The following SEMA3D variants were observed in gnomAD, a reference collection of about 807,000 sequenced individuals.
The protein encoded by SEMA3D is semaphorin 3D.
In SEMA3D, 84 loss-of-function variants were observed where a neutral mutation model predicts 100.1. That is an observed-to-expected ratio of 0.84 (90% CI 0.70 to 1.01). The LOEUF (loss-of-function observed/expected upper bound fraction) is 1.01. Among genes scored for constraint, SEMA3D ranks in the 50% least tolerant of loss-of-function variants. SEMA3D has a pLI of 0.00. For missense variants in SEMA3D, 875 were observed against 934.1 expected (o/e 0.94, Z 0.82); for synonymous variants, 312 against 320.7 (o/e 0.97, Z 0.29).
chr7:85,116,209 T>C (rs1206881330), intron 3 of SEMA3D, among the ~76,000 whole-genome samples: 2 of 149,138 alleles, frequency 1.3e-5, no homozygotes, highest in African/African-American at 2.4e-5. Context: ...TATATGCACA[T>C]ATACATATAT....
chr7:85,210,421 T>C, the SEMA3D span, among the ~76,000 whole-genome samples: 1 of 152,194 alleles, frequency 6.6e-6, no homozygotes, highest in East Asian at 1.9e-4. Flanking sequence ...TGACATTCCA[T>C]AGTTAATTGG....
chr7:85,045,519 T>C (rs925664548), intron 9 of SEMA3D, among the ~76,000 whole-genome samples: 7 of 151,958 alleles, frequency 4.6e-5, no homozygotes, highest in Non-Finnish European at 8.8e-5. Context: ...ATGAGTATCA[T>C]TGTTAAGAAA....
At chr7:85,053,504 T>C (rs999800601) in intron 9 of SEMA3D, among the ~76,000 whole-genome samples, 1 of 152,028 alleles carries the variant, frequency 6.6e-6, no homozygotes, top group Non-Finnish European at 1.5e-5. Flanking sequence ...TTGTTATTGC[T>C]AAAGTTGTTA....
intron 3 of SEMA3D, among the ~76,000 whole-genome samples, chr7:85,102,817 A>G (rs569845665): frequency 6.6e-6 from 1 of 151,988 alleles, no homozygotes; most frequent in East Asian, 1.9e-4. Flanking sequence ...AAAAATAAAT[A>G]TAAAGTTGAT....
the SEMA3D span, among the ~76,000 whole-genome samples, chr7:85,214,926 T>C: frequency 6.6e-6 from 1 of 152,146 alleles, no homozygotes; most frequent in Non-Finnish European, 1.5e-5. Context: ...CCTCTTCATA[T>C]GGCAATGATT....
At chr7:85,144,026 T>A (rs1033030462) in intron 2 of SEMA3D, among the ~76,000 whole-genome samples, 7 of 152,092 alleles carry the variant, frequency 4.6e-5, no homozygotes, top group African/African-American at 1.4e-4. Context: ...CTTGTAATTT[T>A]AAATTTTCTT....
At chr7:85,170,980 C>T (rs1342775632) in intron 1 of SEMA3D, among the ~76,000 whole-genome samples, 1 of 151,942 alleles carries the variant, frequency 6.6e-6, no homozygotes, top group African/African-American at 2.4e-5. Context: ...ATTTTGGATG[C>T]AAAATTGTCA....
intron 1 of SEMA3D, among the ~76,000 whole-genome samples, chr7:85,168,033 C>T (rs943022081): frequency 7.9e-5 from 12 of 151,732 alleles, no homozygotes; most frequent in African/African-American, 1.5e-4. Flanking sequence ...TTTTTGATAA[C>T]GACATATATT....
the SEMA3D span, among the ~76,000 whole-genome samples, chr7:85,250,016 G>A: frequency 9.9e-5 from 15 of 152,050 alleles, no homozygotes; most frequent in South Asian, 2.1e-4. Flanking sequence ...TGCACGCACC[G>A]TGCACGAGCC....
intron 4 of SEMA3D, among the ~76,000 whole-genome samples, chr7:85,096,016 C>A (rs1562816143): frequency 2.0e-5 from 3 of 151,870 alleles, no homozygotes; most frequent in Admixed American, 6.6e-5. Context: ...AGGCAGAGAA[C>A]AGAACAAGAA....
chr7:85,149,118 A>T (rs1218949133), intron 2 of SEMA3D, among the ~76,000 whole-genome samples: 1 of 152,150 alleles, frequency 6.6e-6, no homozygotes, highest in African/African-American at 2.4e-5. Flanking sequence ...ATGTCTTAAT[A>T]AACAGTGATA....
At chr7:85,180,251 A>G (rs1166126942) in intron 1 of SEMA3D, among the ~76,000 whole-genome samples, 3 of 152,150 alleles carry the variant, frequency 2.0e-5, no homozygotes, top group Non-Finnish European at 4.4e-5. Flanking sequence ...TAAGGGTTTT[A>G]TAAGTGTTTT....
chr7:85,131,160 C>G (rs2116433981), intron 2 of SEMA3D, among the ~76,000 whole-genome samples: 1 of 152,120 alleles, frequency 6.6e-6, no homozygotes, highest in Admixed American at 6.6e-5. Context: ...AAAGACAATT[C>G]ATGATTATCT....
At chr7:85,207,858 G>A in the SEMA3D span, among the ~76,000 whole-genome samples, 1 of 151,952 alleles carries the variant, frequency 6.6e-6, no homozygotes, top group Non-Finnish European at 1.5e-5. Flanking sequence ...ATGGAGATAG[G>A]TCTTTATCTT....
chr7:85,074,965 A>G (rs968906283), intron 5 of SEMA3D, among the ~76,000 whole-genome samples: 1 of 152,180 alleles, frequency 6.6e-6, no homozygotes, highest in Non-Finnish European at 1.5e-5. Flanking sequence ...GTAATATGAG[A>G]AAAGATAAGA....
chr7:85,005,542 G>C (rs1187461604), intron 18 of SEMA3D, among the ~76,000 whole-genome samples: 1 of 152,032 alleles, frequency 6.6e-6, no homozygotes, highest in East Asian at 1.9e-4. Context: ...TCTTGTAGCT[G>C]TCAGATGAAG....
chr7:85,202,403 G>T, the SEMA3D span, among the ~76,000 whole-genome samples: 1 of 151,554 alleles, frequency 6.6e-6, no homozygotes, highest in Non-Finnish European at 1.5e-5. Context: ...ATTTTTTATG[G>T]CTGCATAGTA....
intron 12 of SEMA3D, chr7:85,027,916 C>T (rs1432511684): frequency 8.6e-6 from 5 of 583,972 alleles, no homozygotes; most frequent in Non-Finnish European, 1.7e-5. Context: ...GAGATAATTG[C>T]CAATGATCAG....
intron 7 of SEMA3D, among the ~76,000 whole-genome samples, chr7:85,066,956 A>G (rs369368124): frequency 4.0e-5 from 6 of 149,238 alleles, no homozygotes; most frequent in African/African-American, 1.5e-4. Flanking sequence ...AACTCCAGCT[A>G]TGTAAAGTAG....
Sources: allele counts gnomAD v4.1 joint callset (sites outside exome capture counted in the v4.1 genomes callset), GRCh38; gene constraint gnomAD v4.1.1; transcripts MANE v1.5; gene names NCBI Gene and HGNC (gene_info 2026-07-23, HGNC 2026-07-21).